IPO5: variants seen among roughly 807,000 people sequenced by gnomAD.
IPO5 encodes the protein importin-5.
Under a neutral mutation model 143.3 loss-of-function variants are expected in IPO5, and 18 were observed. The observed-to-expected ratio is 0.13, with a 90% CI of 0.09 to 0.19. The LOEUF (loss-of-function observed/expected upper bound fraction) is 0.19, where lower values mean the gene tolerates loss of function less well. Ranked by LOEUF, IPO5 falls within the 10% of genes least tolerant of loss-of-function variation. The pLI is 1.00. For synonymous variants in IPO5, 477 were observed against 465.7 expected, an observed-to-expected ratio of 1.02 and a Z score of -0.31; for missense variants, 1,013 against 1,336.9, an observed-to-expected ratio of 0.76 and a Z score of 3.78.
At chr13:97,990,898 G>A (rs922980198) in intron 9 of IPO5, among the ~76,000 whole-genome samples, 4 of 152,084 alleles carry the variant, frequency 2.6e-5, no homozygotes, top group Non-Finnish European at 4.4e-5. Context: ...TACAGGGTGT[G>A]TAATAGTTTG....
chr13:98,010,249 AC>A (rs746687085), intron 20 of IPO5, 25 bp downstream of exon 20: 1 of 1,603,568 alleles, frequency 6.2e-7, no homozygotes, highest in African/African-American at 1.3e-5. Context: ...TTTTTACTAA[AC>A]TTTTATTTTA....
At chr13:98,005,725 G>A (rs1424886127) in intron 16 of IPO5, among the ~76,000 whole-genome samples, 1 of 152,048 alleles carries the variant, frequency 6.6e-6, no homozygotes, top group Non-Finnish European at 1.5e-5. Flanking sequence ...GGGCCAAAGA[G>A]GGAATTTTCT....
At chr13:97,960,089 G>A (rs1884746543) in intron 2 of IPO5, 3 of 152,186 alleles carry the variant, frequency 2.0e-5, no homozygotes, top group African/African-American at 4.8e-5. Flanking sequence ...CCATTATAAG[G>A]TCCCTTTCAT....
intron 11 of IPO5, 68 bp from the exon 12 acceptor site, chr13:97,997,463 G>C (rs571077738): frequency 2.4e-5 from 19 of 806,208 alleles, no homozygotes; most frequent in Non-Finnish European, 9.8e-6. Flanking sequence ...TAAAATTCTT[G>C]TTTATAAATA....
intron 18 of IPO5, 79 bp downstream of exon 18, chr13:98,008,221 G>T: frequency 2.5e-6 from 2 of 811,590 alleles, no homozygotes; most frequent in African/African-American, 1.7e-5. Context: ...TAAAACAAAA[G>T]GAGTGATAGG....
chr13:97,997,486 A>T (rs568379), intron 11 of IPO5, 45 bp from the exon 12 acceptor site: 1 of 1,061,156 alleles, frequency 9.4e-7, no homozygotes, highest in African/African-American at 1.6e-5. Context: ...GATATGGATA[A>T]GATAAAGTCA....
intron 11 of IPO5, among the ~76,000 whole-genome samples, chr13:97,994,071 C>T (rs1290577585): frequency 1.3e-5 from 2 of 152,196 alleles, no homozygotes; most frequent in Admixed American, 6.5e-5. Flanking sequence ...CTTTGGGAGG[C>T]CGAGGCGGGC....
chr13:97,993,237 G>C lies in IPO5; in HGVS notation c.913+12G>C. 1 of 1,611,848 alleles carries C rather than the reference G, an allele frequency of 6.2e-7. No homozygotes were observed. The highest frequency in any genetic ancestry group is 8.5e-7 in the Non-Finnish European group (1 of 1,179,328). ...TGTTGCACAGACTAGTAAGTCAATG[G>C]TCTTCAGATAGTTTATGTGTATTGT... is the stretch of plus-strand genomic sequence containing the variant. On this transcript the variant is annotated intron_variant, in intron 11 of 28. Coordinates refer to ENST00000651721, the MANE Select transcript of IPO5 (RefSeq NM_002271.6).
intron 3 of IPO5, among the ~76,000 whole-genome samples, chr13:97,972,045 TTGG>T (rs1213804640): frequency 6.6e-6 from 1 of 152,220 alleles, no homozygotes. Flanking sequence ...TCAGCTTACA[TTGG>T]TGTAGTTACA....
chr13:97,970,861 G>A (rs1283448590), intron 3 of IPO5, among the ~76,000 whole-genome samples: 1 of 152,112 alleles, frequency 6.6e-6, no homozygotes, highest in Non-Finnish European at 1.5e-5. Flanking sequence ...TAGTCTAACA[G>A]GTAGATGTCC....
At chr13:97,974,050 G>T (rs899191339) in intron 3 of IPO5, among the ~76,000 whole-genome samples, 1 of 152,274 alleles carries the variant, frequency 6.6e-6, no homozygotes, top group African/African-American at 2.4e-5. Flanking sequence ...GCAACAGAGT[G>T]AGACTCTGTC....
rs112717134 is a variant in IPO5, at chr13:98,013,808, A to G, written c.2153-234A>G. Among the ~76,000 whole-genome samples the G allele has an allele frequency of 1.5e-3, 231 of 152,282 alleles. 1 individual carries two copies. The highest frequency in any genetic ancestry group is 5.3e-3 in the African/African-American group (221 of 41,556). On this transcript the variant is annotated intron_variant, in intron 21 of 28. Transcript: ENST00000651721. ...TAGTCATTTTTGTATTTTGGTTTACATTTGAGCAATAGGCAGCCCTTCACT... is the reference window on the plus strand; with the variant it reads ...TAGTCATTTTTGTATTTTGGTTTACGTTTGAGCAATAGGCAGCCCTTCACT...
chr13:98,012,822 T>C (rs1003984197), intron 21 of IPO5, among the ~76,000 whole-genome samples: 10 of 149,346 alleles, frequency 6.7e-5, no homozygotes, highest in African/African-American at 2.0e-4. Flanking sequence ...TTTTTTTTTT[T>C]TTTTTAAGAG....
At chr13:97,983,842 TA>T (rs1887072010) in intron 5 of IPO5, among the ~76,000 whole-genome samples, 1 of 151,674 alleles carries the variant, frequency 6.6e-6, no homozygotes, top group Non-Finnish European at 1.5e-5. Context: ...TTAAAAGCCA[TA>T]TAAAAGTATC....
rs1221893123 is a variant in IPO5 at position 98,014,228 on chromosome 13, T to C, written c.2325+14T>C. On this transcript the variant is annotated intron_variant, in intron 22 of 28. Transcript: ENST00000651721. ...TCTTTTGCAAAGGTGAATATTTTTC[T>C]CTTAAAAAATATGTATAAGGTTGTA... 1.6e-5 allele frequency: 25 copies of C among 1,568,094 alleles called. No homozygotes were observed. Among genetic ancestry groups the C allele is most frequent in the Non-Finnish European group, 2.2e-5 (25 of 1,144,432 alleles).
At chr13:97,984,221 G>A (rs1051175348) in intron 5 of IPO5, among the ~76,000 whole-genome samples, 16 of 151,418 alleles carry the variant, frequency 1.1e-4, no homozygotes, top group Non-Finnish European at 1.5e-4. Context: ...CTCGTGATCC[G>A]CCCGCCTCGG....
intron 26 of IPO5, 41 bp downstream of exon 26, chr13:98,018,745 A>T: frequency 7.2e-7 from 1 of 1,397,622 alleles, no homozygotes; most frequent in Non-Finnish European, 1.0e-6. Context: ...CATTCCAGAC[A>T]TCCTGTGAAT....
chr13:97,985,429 A>G lies in IPO5; in HGVS notation c.180A>G (p.Gln60=). Residue 60 remains glutamine, a synonymous_variant, in exon 6 of 29, where the codon CAA becomes CAG. Coordinates refer to ENST00000651721, the MANE Select transcript of IPO5 (RefSeq NM_002271.6). ...RNTTAAEEAR[Q]MAAVLLRRLL... ...ATGTTATCTGTTTATAGGCTAGACA[A>G]ATGGCCGCCGTTCTCCTAAGACGTC... 10 of 1,613,842 alleles carry G rather than the reference A, an allele frequency of 6.2e-6. No homozygotes were observed. Among genetic ancestry groups the G allele is most frequent in the Non-Finnish European group, 8.5e-6 (10 of 1,179,724 alleles).
At chr13:97,976,570 C>A (rs1488475973) in intron 3 of IPO5, 123 bp from the exon 4 acceptor site, 1 of 192,186 alleles carries the variant, frequency 5.2e-6, no homozygotes, top group East Asian at 1.7e-4. Flanking sequence ...CGCGCGGCCC[C>A]CCGCAAGCCC....
Sources: allele counts gnomAD v4.1 joint callset (sites outside exome capture counted in the v4.1 genomes callset), GRCh38; gene constraint gnomAD v4.1.1; transcripts MANE v1.5; gene names NCBI Gene and HGNC (gene_info 2026-07-23, HGNC 2026-07-21).